DLGAP2: variants seen among roughly 807,000 people sequenced by gnomAD.
DLGAP2 encodes the protein DLG associated protein 2.
Under a neutral mutation model 100.3 loss-of-function variants are expected in DLGAP2, and 26 were observed. The ratio of observed to expected loss-of-function variants is 0.26; its 90% CI spans 0.19 to 0.36. The LOEUF (loss-of-function observed/expected upper bound fraction) is 0.36, where lower values mean the gene tolerates loss of function less well. DLGAP2 is among the 10% of genes least tolerant of loss of function. The pLI, the probability that DLGAP2 is intolerant of heterozygous loss-of-function variation, is 1.00. For missense variants in DLGAP2, 1,858 were observed against 1,453.2 expected, an observed-to-expected ratio of 1.28 and a Z score of -4.53; for synonymous variants, 886 against 630.1, an observed-to-expected ratio of 1.41 and a Z score of -6.08.
rs1045781860 is a variant in DLGAP2 at position 1,697,233 on chromosome 8, G to T, written c.2883G>T (p.Met961Ile). ...MLQLSIEDVS[M>I]KFDELQRLRL... Reference sequence around the variant, plus strand: ...AGCTCTCCATTGAGGACGTCAGCATGAAGTTCGACGAGCTGCAGCGGCTGC... The same window carrying T: ...AGCTCTCCATTGAGGACGTCAGCATTAAGTTCGACGAGCTGCAGCGGCTGC... The change falls in exon 14 of 15, where the codon ATG becomes ATT. Residue 961 changes from methionine (M) to isoleucine (I), a missense_variant. Physicochemically the swap from Met to Ile is conservative, Grantham distance 10. Transcript: ENST00000637795. 1.1e-5 allele frequency: 18 copies of T among 1,611,506 alleles called. No homozygotes were observed. Among genetic ancestry groups the T allele is most frequent in the South Asian group, 4.4e-5 (4 of 91,008 alleles).
At chr8:1,061,169 C>A (rs1388692947) in intron 2 of DLGAP2, among the ~76,000 whole-genome samples, 1 of 152,176 alleles carries the variant, frequency 6.6e-6, no homozygotes, top group Non-Finnish European at 1.5e-5. Flanking sequence ...CTTTGCCAGC[C>A]AGCCTTGTTC....
In DLGAP2 at chr8:907,905, A is replaced by G. The variant is rs1376058991; in HGVS notation, c.19-7A>G. On this transcript the variant is annotated splice_region_variant and splice_polypyrimidine_tract_variant and intron_variant, in intron 1 of 14. Coordinates refer to ENST00000637795, the MANE Select transcript of DLGAP2 (RefSeq NM_001346810.2). ...CAAATGTATTTTATTTATTTGTTTT[A>G]AAACAGGTTTTGCCTGGCATTCTGC... The G allele has an allele frequency of 1.8e-5, 7 of 398,822 alleles. No individual in the cohort carries two copies. The highest frequency in any genetic ancestry group is 2.7e-5 in the Non-Finnish European group (6 of 226,074). The allele number at this position is 398,822 out of a possible 1,614,324, so 24.7% of individuals were successfully genotyped here.
chr8:1,422,766 C>G (rs1797132791), intron 3 of DLGAP2, among the ~76,000 whole-genome samples: 1 of 152,058 alleles, frequency 6.6e-6, no homozygotes. Flanking sequence ...GGAATGTGTC[C>G]TTTCGTTAGC....
chr8:1,069,408 C>G (rs184168092), intron 2 of DLGAP2, among the ~76,000 whole-genome samples: 90 of 152,274 alleles, frequency 5.9e-4, no homozygotes, highest in African/African-American at 2.0e-3. Context: ...CCTGGGTCCT[C>G]CGCACACTCC....
intron 2 of DLGAP2, among the ~76,000 whole-genome samples, chr8:1,017,796 C>T (rs1403786845): frequency 6.6e-6 from 1 of 152,222 alleles, no homozygotes; most frequent in African/African-American, 2.4e-5. Context: ...GTGGCCACCT[C>T]ACTCCTCTCC....
intron 3 of DLGAP2, among the ~76,000 whole-genome samples, chr8:1,493,442 C>A (rs945966549): frequency 6.6e-6 from 1 of 152,138 alleles, no homozygotes; most frequent in Non-Finnish European, 1.5e-5. Context: ...GGCTTTCAGA[C>A]ACGCCTCTGC....
intron 1 of DLGAP2, among the ~76,000 whole-genome samples, chr8:854,866 AT>A (rs1797247665): frequency 6.6e-6 from 1 of 152,220 alleles, no homozygotes. Context: ...CACATGGGAA[AT>A]GCTCCCACAG....
chr8:1,133,936 T>A (rs917917184), intron 2 of DLGAP2, among the ~76,000 whole-genome samples: 4 of 152,108 alleles, frequency 2.6e-5, no homozygotes, highest in African/African-American at 4.8e-5. Flanking sequence ...ACAAATTGTT[T>A]CCTTATCCAG....
intron 2 of DLGAP2, among the ~76,000 whole-genome samples, chr8:1,141,826 A>G (rs972677356): frequency 2.2e-4 from 33 of 152,198 alleles, no homozygotes; most frequent in African/African-American, 7.7e-4. Flanking sequence ...TATTTATACA[A>G]AAGCTTGATG....
At chr8:1,267,866 A>T (rs73168497) in intron 3 of DLGAP2, among the ~76,000 whole-genome samples, 25 of 152,168 alleles carry the variant, frequency 1.6e-4, no homozygotes, top group Non-Finnish European at 3.1e-4. Context: ...CCTCCATCAC[A>T]CCCACCCTAG....
intron 6 of DLGAP2, among the ~76,000 whole-genome samples, chr8:1,572,316 A>G (rs1802751095): frequency 1.1e-5 from 1 of 92,154 alleles, no homozygotes; most frequent in Non-Finnish European, 2.0e-5. Context: ...GATGGAGAGG[A>G]GAAAGGAGTG....
rs548782249 is a variant in DLGAP2, at chr8:1,410,229, G to A, written c.107-91137G>A. 7.2e-5 allele frequency among the ~76,000 whole-genome samples: 11 copies of A among 152,280 alleles called. 1 individual carries two copies. In the South Asian group the frequency reaches 2.3e-3, roughly 32 times the overall value. ...TCTGGGAGTGGTTGGAATCTCACTG[G>A]CTTCAGAGCAGAATCTTTGCATTGT... On this transcript the variant is annotated intron_variant, in intron 3 of 14. Coordinates refer to ENST00000637795, the MANE Select transcript of DLGAP2 (RefSeq NM_001346810.2).
intron 3 of DLGAP2, chr8:1,301,519 A>C (rs2116994827): frequency 6.6e-6 from 1 of 152,246 alleles, no homozygotes; most frequent in South Asian, 2.1e-4. Context: ...CTGGACATCA[A>C]GTGTGTGACA....
At chr8:1,180,630 G>A (rs1393714031) in intron 2 of DLGAP2, among the ~76,000 whole-genome samples, 1 of 66,562 alleles carries the variant, frequency 1.5e-5, no homozygotes, top group Admixed American at 1.6e-4. Context: ...ACACCATCAA[G>A]CGTGTCAGTG....
At chr8:769,554 G>C (rs1171264473) in intron 1 of DLGAP2, among the ~76,000 whole-genome samples, 2 of 152,144 alleles carry the variant, frequency 1.3e-5, no homozygotes. Context: ...AGAAAGTTTG[G>C]GAAGGAACAG....
At chr8:810,932 G>A (rs1228103265) in intron 1 of DLGAP2, among the ~76,000 whole-genome samples, 3 of 152,240 alleles carry the variant, frequency 2.0e-5, no homozygotes, top group Admixed American at 2.0e-4. Flanking sequence ...GCTGTGGTTG[G>A]ATGTTCGGGT....
intron 13 of DLGAP2, among the ~76,000 whole-genome samples, chr8:1,693,946 G>A (rs766261284): frequency 6.6e-6 from 1 of 152,138 alleles, no homozygotes; most frequent in Admixed American, 6.5e-5. Context: ...GACGAACTCT[G>A]TGTAACATTA....
chr8:1,149,081 G>A (rs1380116918), intron 2 of DLGAP2, among the ~76,000 whole-genome samples: 1 of 152,262 alleles, frequency 6.6e-6, no homozygotes, highest in Non-Finnish European at 1.5e-5. Context: ...CACATAGTGG[G>A]ATGTACAAAT....
rs920748223 is a variant in DLGAP2 at position 1,089,337 on chromosome 8, T to C, written c.74-169514T>C. On this transcript the variant is annotated intron_variant, in intron 2 of 14. Coordinates refer to ENST00000637795, the MANE Select transcript of DLGAP2 (RefSeq NM_001346810.2). ...AGTGGCACCACAATATGAAAACAAATGTCTTACTTTCCCTTTTGACACCAG... is the reference window on the plus strand; with the variant it reads ...AGTGGCACCACAATATGAAAACAAACGTCTTACTTTCCCTTTTGACACCAG... Among the ~76,000 whole-genome samples the C allele has an allele frequency of 3.9e-5, 6 of 152,346 alleles. No homozygotes were observed. In the South Asian group the frequency reaches 8.3e-4, roughly 21 times the overall value.
Sources: gnomAD v4.1 joint callset for allele counts (sites outside exome capture counted in the v4.1 genomes callset) on GRCh38, gnomAD v4.1.1 for gene constraint, MANE v1.5 for transcripts, NCBI Gene and HGNC (gene_info 2026-07-23, HGNC 2026-07-21) for gene names.